RNASE4: variants seen among roughly 807,000 people sequenced by gnomAD.
RNASE4 encodes the protein ribonuclease A family member 4, also known as ribonuclease 4.
For missense variants in RNASE4, 194 were observed against 192.8 expected (o/e 1.01, Z -0.04); for synonymous variants, 93 against 71.4 (o/e 1.30, Z -1.52).
chr14:20,689,982 G>A (rs1223531640), intron 1 of RNASE4, among the ~76,000 whole-genome samples: 2 of 149,074 alleles, frequency 1.3e-5, no homozygotes, highest in African/African-American at 4.9e-5. Context: ...TTGGGAGGCC[G>A]AGGCGGGTGG....
chr14:20,698,048 G>C, intron 1 of RNASE4, among the ~76,000 whole-genome samples: 1 of 152,214 alleles, frequency 6.6e-6, no homozygotes, highest in South Asian at 2.1e-4. Context: ...GGTGTGGGAT[G>C]AGAGAGGCAG....
At chr14:20,686,708 T>A (rs1886442801) in intron 1 of RNASE4, among the ~76,000 whole-genome samples, 1 of 152,252 alleles carries the variant, frequency 6.6e-6, no homozygotes, top group Non-Finnish European at 1.5e-5. Context: ...GTGTTGCCTC[T>A]TCCTGGAGAC....
At chr14:20,688,003 C>A (rs568359456) in intron 1 of RNASE4, among the ~76,000 whole-genome samples, 1 of 152,342 alleles carries the variant, frequency 6.6e-6, no homozygotes, top group Admixed American at 6.5e-5. Context: ...ATAAGGTGAT[C>A]CTGGTGACCT....
At chr14:20,689,935 G>T (rs1218914703) in intron 1 of RNASE4, among the ~76,000 whole-genome samples, 24 of 148,434 alleles carry the variant, frequency 1.6e-4, no homozygotes, top group African/African-American at 5.7e-4. Context: ...AAAAAAACAG[G>T]CCGGGCGCGG....
intron 1 of RNASE4, among the ~76,000 whole-genome samples, chr14:20,692,346 ACAACTGCTTT>A (rs1464209531): frequency 6.6e-6 from 1 of 152,214 alleles, no homozygotes; most frequent in African/African-American, 2.4e-5. Context: ...AACTCAGGAT[ACAACTGCTTT>A]CAACTGCTTT....
intron 1 of RNASE4, chr14:20,693,609 T>G: frequency 6.2e-7 from 1 of 1,613,940 alleles, no homozygotes; most frequent in Non-Finnish European, 8.5e-7. Context: ...TCGTGCTGGG[T>G]CTGGGTCTGA....
chr14:20,693,828 T>G (rs1241226683), intron 1 of RNASE4: 1 of 1,614,054 alleles, frequency 6.2e-7, no homozygotes, highest in African/African-American at 1.3e-5. Context: ...ATGGAAACCC[T>G]CACAGAGAAA....
At chr14:20,685,955 T>G (rs2319383) in intron 1 of RNASE4, among the ~76,000 whole-genome samples, 65,291 of 151,138 alleles carry the variant, frequency 0.43, 14,117 homozygotes, top group Middle Eastern at 0.52. Flanking sequence ...CAGGAGACTC[T>G]CTTGAACCTG....
intron 1 of RNASE4, among the ~76,000 whole-genome samples, chr14:20,694,714 C>T (rs1018871864): frequency 2.6e-5 from 4 of 152,196 alleles, no homozygotes; most frequent in Middle Eastern, 6.8e-3. Context: ...TTCCAGGGCT[C>T]GTAGCTACTA....
chr14:20,694,555 C>A (rs1408375869), intron 1 of RNASE4, among the ~76,000 whole-genome samples: 1 of 152,016 alleles, frequency 6.6e-6, no homozygotes, highest in Non-Finnish European at 1.5e-5. Flanking sequence ...CCACCTTGGC[C>A]TCTCAAAGTG....
chr14:20,690,011 C>G (rs1488021973), intron 1 of RNASE4, among the ~76,000 whole-genome samples: 1 of 146,472 alleles, frequency 6.8e-6, no homozygotes, highest in East Asian at 2.0e-4. Flanking sequence ...GTCAGGAGAT[C>G]GAGACCATCC....
At chr14:20,695,818 G>C (rs1348342999) in intron 1 of RNASE4, among the ~76,000 whole-genome samples, 1 of 152,260 alleles carries the variant, frequency 6.6e-6, no homozygotes, top group Non-Finnish European at 1.5e-5. Flanking sequence ...GAATGGGTTT[G>C]AGAAGTAGGT....
intron 1 of RNASE4, chr14:20,693,711 C>G (rs754593656): frequency 6.2e-7 from 1 of 1,614,188 alleles, no homozygotes; most frequent in Admixed American, 1.7e-5. Context: ...ATGACAGATA[C>G]TGTGAAAGCA....
chr14:20,691,443 G>A (rs1886740162), intron 1 of RNASE4, among the ~76,000 whole-genome samples: 1 of 152,232 alleles, frequency 6.6e-6, no homozygotes, highest in African/African-American at 2.4e-5. Flanking sequence ...AGACTGAAAA[G>A]CATGATGTAA....
At chr14:20,697,625 G>A (rs76158095) in intron 1 of RNASE4, among the ~76,000 whole-genome samples, 3,595 of 152,270 alleles carry the variant, frequency 0.024, 60 homozygotes, top group Non-Finnish European at 0.033. Context: ...GGTACAGGTC[G>A]TTTGGAAGCC....
At chr14:20,689,235 A>C (rs1461630049) in intron 1 of RNASE4, among the ~76,000 whole-genome samples, 1 of 152,230 alleles carries the variant, frequency 6.6e-6, no homozygotes, top group Non-Finnish European at 1.5e-5. Flanking sequence ...TGTTTTTAGC[A>C]TTGTTTCCTT....
chr14:20,692,817 A>G (rs1349110057), intron 1 of RNASE4, among the ~76,000 whole-genome samples: 2 of 152,084 alleles, frequency 1.3e-5, no homozygotes, highest in African/African-American at 4.8e-5. Flanking sequence ...TGGATGCCTC[A>G]TTTCCTATTA....
At chr14:20,696,107 T>C (rs772559557) in intron 1 of RNASE4, among the ~76,000 whole-genome samples, 1 of 152,176 alleles carries the variant, frequency 6.6e-6, no homozygotes, top group Non-Finnish European at 1.5e-5. Flanking sequence ...AAGGCCTTGA[T>C]AGGGCAAGTG....
rs371992400 is a variant in RNASE4 at position 20,692,939 on chromosome 14, C to G, written c.-17-6416C>G. On this transcript the variant is annotated intron_variant, in intron 1 of 1. Transcript: ENST00000555835. ...CTCGGCTCACTGCAAGCTCCGCCTC[C>G]CGGGTTCACGCCATTCTCCTGCCTC... Among the ~76,000 whole-genome samples, 115 of 152,266 alleles carry G rather than the reference C, an allele frequency of 7.6e-4. 1 individual carries two copies. In the East Asian group the frequency reaches 0.021, roughly 27 times the overall value.
Sources: allele counts gnomAD v4.1 joint callset (sites outside exome capture counted in the v4.1 genomes callset), GRCh38; gene constraint gnomAD v4.1.1; transcripts MANE v1.5; gene names NCBI Gene and HGNC (gene_info 2026-07-23, HGNC 2026-07-21).